The following GATA1 variants were observed in gnomAD, a reference collection of about 807,000 sequenced individuals.
GATA1 encodes the protein erythroid transcription factor.
GATA1 carries 2 observed loss-of-function variants against 18.9 expected under a neutral mutation model. The observed-to-expected ratio is 0.11, with a 90% CI of 0.04 to 0.33. GATA1 has a LOEUF of 0.33. Among genes scored for constraint, GATA1 ranks in the 10% least tolerant of loss-of-function variants. The pLI is 1.00. For synonymous variants in GATA1, 152 were observed against 149.1 expected (o/e 1.02, Z -0.14); for missense variants, 272 against 344.7 (o/e 0.79, Z 1.67).
In GATA1 at chrX:48,791,191, C is replaced by T; in HGVS notation, c.82C>T (p.Pro28Ser). ...FVDPALVSST[P>S]ESGVFFPSGP... ...GGATCCTGCTCTGGTGTCCTCCACA[C>T]CAGAATCAGGGGTTTTCTTCCCCTC... Residue 28 changes from proline (P) to serine (S), a missense_variant, in exon 2 of 6, where the codon CCA (proline) becomes TCA (serine). Pro to Ser is a moderately conservative substitution (Grantham distance 74, BLOSUM62 -1). Around this residue, in one of 3 missense-constraint regions of GATA1, gnomAD observed 147 missense variants for 157.4 expected, o/e 0.93. Transcript: ENST00000376670. The T allele has an allele frequency of 2.5e-6, 3 of 1,207,024 alleles. No homozygotes were observed. Among genetic ancestry groups the T allele is most frequent in the Non-Finnish European group, 3.4e-6 (3 of 892,915 alleles).
At chrX:48,791,386 G>C in intron 2 of GATA1, 57 bp downstream of exon 2, 1 of 1,017,016 alleles carries the variant, frequency 9.8e-7, no homozygotes, top group East Asian at 3.2e-5. Flanking sequence ...GGTTGCCATG[G>C]AGATCCTTGG....
In GATA1 at chrX:48,793,247, A is replaced by G; in HGVS notation, c.820A>G (p.Ser274Gly). ...TTTTLWRRNASGDPVCNACGL... is the reference protein window; with the variant it reads ...TTTTLWRRNAGGDPVCNACGL... ...CACGACACTGTGGCGGAGAAATGCCAGTGGGGATCCCGTGTGCAATGCCTG... is the reference window on the plus strand; with the variant it reads ...CACGACACTGTGGCGGAGAAATGCCGGTGGGGATCCCGTGTGCAATGCCTG... Residue 274 changes from serine to glycine, a missense_variant, in exon 5 of 6, where the codon AGT becomes GGT. Around this residue, in one of 3 missense-constraint regions of GATA1, gnomAD observed 42 missense variants for 103.2 expected, o/e 0.41. Coordinates refer to ENST00000376670, the MANE Select transcript of GATA1 (RefSeq NM_002049.4). The G allele has an allele frequency of 1.7e-6, 2 of 1,209,220 alleles. No homozygotes were observed. Among genetic ancestry groups the G allele is most frequent in the Non-Finnish European group, 1.1e-6 (1 of 894,515 alleles).
intron 5 of GATA1, 114 bp from the exon 6 acceptor site, chrX:48,793,679 C>G (rs919470930): frequency 9.4e-7 from 1 of 1,067,143 alleles, no homozygotes; most frequent in Non-Finnish European, 1.3e-6. Flanking sequence ...TGGACAATCT[C>G]AGCACCCAAA....
chrX:48,790,757 G>A (rs1225537624), intron 1 of GATA1, among the ~76,000 whole-genome samples: 2 of 102,905 alleles, frequency 1.9e-5, no homozygotes, highest in Non-Finnish European at 4.0e-5. Context: ...GAAGGGAGAG[G>A]TAGAAGCAGA....
Position 48,794,196 on chromosome X carries a change from G to A in GATA1, c.*32G>A. The A allele has an allele frequency of 3.3e-6, 4 of 1,195,212 alleles. No individual in the cohort carries two copies. Among genetic ancestry groups the A allele is most frequent in the South Asian group, 1.8e-5 (1 of 54,566 alleles). ...AGAGCATGGCCTCCAGAGGAGGGGTGGTGTCCTTCTCCTCTTGTAGCCAGA... is the reference window on the plus strand; with the variant it reads ...AGAGCATGGCCTCCAGAGGAGGGGTAGTGTCCTTCTCCTCTTGTAGCCAGA... On this transcript the variant is annotated 3_prime_UTR_variant, in exon 6 of 6. Transcript: ENST00000376670.
Position 48,793,811 on chromosome X carries a change from A to T in GATA1, c.889A>T (p.Met297Leu), listed in dbSNP as rs1569499699. Residue 297 changes from methionine to leucine, a missense_variant, in exon 6 of 6, where the codon ATG becomes TTG. Physicochemically the swap from Met to Leu is conservative, Grantham distance 15 (BLOSUM62 2). Transcript: ENST00000376670. The part of the protein sequence containing the change: ...KLHQVNRPLT[M>L]RKDGIQTRNR... Reference sequence around the variant, plus strand: ...TTGGCAGGTGAACCGGCCACTGACCATGCGGAAGGATGGTATTCAGACTCG... The same window carrying T: ...TTGGCAGGTGAACCGGCCACTGACCTTGCGGAAGGATGGTATTCAGACTCG... The T allele has an allele frequency of 6.6e-6, 8 of 1,210,883 alleles. No individual in the cohort carries two copies. The highest frequency in any genetic ancestry group is 6.7e-6 in the Non-Finnish European group (6 of 895,137).
chrX:48,789,938 G>T (rs1014022523), intron 1 of GATA1, among the ~76,000 whole-genome samples: 5 of 109,751 alleles, frequency 4.6e-5, no homozygotes, highest in Non-Finnish European at 9.5e-5. Flanking sequence ...AGAGGCAAGG[G>T]ACTCTGGTCC....
rs146587548 is a variant in GATA1, at chrX:48,787,974, G to A, written c.-20+1329G>A. ...CTTACTCTAGTGGGGCAGCTGATAA[G>A]GAGCTTTCATATCCCCCAGCCTCGA... On this transcript the variant is annotated intron_variant, in intron 1 of 5. Coordinates refer to ENST00000376670, the MANE Select transcript of GATA1 (RefSeq NM_002049.4). Among the ~76,000 whole-genome samples, 777 of 111,359 alleles carry A rather than the reference G, an allele frequency of 7.0e-3. 5 individuals carry two copies. Among genetic ancestry groups the A allele is most frequent in the Middle Eastern group, 0.014 (3 of 215 alleles).
chrX:48,793,822 T>C lies in GATA1; in HGVS notation c.900T>C (p.Asp300=), dbSNP rs2062682052. 3.3e-6 allele frequency: 4 copies of C among 1,210,707 alleles called. No individual in the cohort carries two copies. Among genetic ancestry groups the C allele is most frequent in the African/African-American group, 3.5e-5 (2 of 57,831 alleles). ...ACCGGCCACTGACCATGCGGAAGGA[T>C]GGTATTCAGACTCGAAACCGCAAGG... ...QVNRPLTMRK[D]GIQTRNRKAS... The change falls in exon 6 of 6, where the codon GAT becomes GAC. Residue 300 remains aspartate, a synonymous_variant. Transcript: ENST00000376670.
chrX:48,793,593 T>G (rs1302038683), intron 5 of GATA1, among the ~76,000 whole-genome samples, 200 bp from the exon 6 acceptor site: 2 of 106,918 alleles, frequency 1.9e-5, no homozygotes, highest in Non-Finnish European at 3.9e-5. Context: ...TCCAACCCCC[T>G]GCCCTAGACC....
rs782180657 is a variant in GATA1 at position 48,790,571 on chromosome X, A to G, written c.-19-520A>G. Among the ~76,000 whole-genome samples the G allele has an allele frequency of 3.7e-5, 4 of 107,931 alleles. No individual in the cohort carries two copies. The East Asian group carries it at 1.2e-3, about 32-fold the overall frequency. The allele number at this position is 107,931 out of a possible 115,157, so 93.7% of individuals were successfully genotyped here. A position where few individuals can be genotyped will look rare whatever the true frequency, so the allele number is the denominator to read the frequency against. ...GGGGAAACAGGAAAGGAGAAGGAGG[A>G]GGTCAAGGAGGAAAAGAAGAAGGTG... On this transcript the variant is annotated intron_variant, in intron 1 of 5. Coordinates refer to ENST00000376670, the MANE Select transcript of GATA1 (RefSeq NM_002049.4).
At chrX:48,787,934 G>A (rs987939044) in intron 1 of GATA1, among the ~76,000 whole-genome samples, 5 of 111,632 alleles carry the variant, frequency 4.5e-5, no homozygotes, top group Non-Finnish European at 5.6e-5. Context: ...GCCTGCTGCC[G>A]CCGTTGGGGC....
chrX:48,792,302 T>TTCTCC (rs782127979), intron 3 of GATA1, 21 bp from the exon 4 acceptor site: 2 of 1,211,841 alleles, frequency 1.7e-6, no homozygotes, highest in Non-Finnish European at 2.2e-6. Flanking sequence ...TAGCTCCCTC[T>TTCTCC]TCTCCTCTCC....
At chrX:48,793,699 A>G in intron 5 of GATA1, 94 bp from the exon 6 acceptor site, 3 of 1,122,538 alleles carry the variant, frequency 2.7e-6, no homozygotes, top group Non-Finnish European at 2.4e-6. Context: ...AAATTATCTT[A>G]CCCTGAAAGA....
chrX:48,790,448 CAA>C (rs1181136327), intron 1 of GATA1, among the ~76,000 whole-genome samples: 14 of 108,251 alleles, frequency 1.3e-4, no homozygotes, highest in Non-Finnish European at 1.9e-5. Flanking sequence ...GACCCTGCCT[CAA>C]AAAAAAGTGT....
In GATA1 at chrX:48,790,948, AG is replaced by A. The variant is rs781874359; in HGVS notation, c.-19-137del. 8.8e-4 allele frequency: 331 copies of A among 377,654 alleles called. 1 individual carries two copies. Among genetic ancestry groups the A allele is most frequent in the Non-Finnish European group, 1.1e-4 (23 of 218,966 alleles). The allele number at this position is 377,654 out of a possible 1,213,427, so 31.1% of individuals were successfully genotyped here. On this transcript the variant is annotated intron_variant, in intron 1 of 5. Transcript: ENST00000376670. The stretch of plus-strand genomic sequence containing the variant: ...GAGAGGGGAGACTAAGGTGAGGAGG[AG>A]GGGGGAATGGGGAGGTGGGAAGGAG...
intron 5 of GATA1, 144 bp from the exon 6 acceptor site, chrX:48,793,649 C>A: frequency 1.1e-6 from 1 of 919,701 alleles, no homozygotes; most frequent in Non-Finnish European, 1.5e-6. Context: ...AGCTCAGGGC[C>A]TCACAGCCTC....
intron 1 of GATA1, among the ~76,000 whole-genome samples, chrX:48,788,552 G>A (rs1044573345): frequency 3.6e-5 from 4 of 111,554 alleles, no homozygotes; most frequent in Non-Finnish European, 7.5e-5. Flanking sequence ...AGGTGTTGGC[G>A]GTGGGCACAC....
In GATA1 at chrX:48,794,074, A is replaced by C. The variant is rs1448731727; in HGVS notation, c.1152A>C (p.Gly384=). 2.1e-5 allele frequency: 25 copies of C among 1,207,232 alleles called. No homozygotes were observed. Among genetic ancestry groups the C allele is most frequent in the Non-Finnish European group, 2.3e-5 (21 of 893,859 alleles). The change falls in exon 6 of 6, where the codon GGA becomes GGC. Residue 384 remains glycine, a synonymous_variant. Transcript: ENST00000376670. ...TTAGCCACCTCATGCCTTTCCCTGGACCCCTACTGGGCTCACCCACGGGCT... is the reference window on the plus strand; with the variant it reads ...TTAGCCACCTCATGCCTTTCCCTGGCCCCCTACTGGGCTCACCCACGGGCT... The part of the protein sequence containing the change: ...GPVSHLMPFP[G]PLLGSPTGSF...
Sources: allele counts gnomAD v4.1 joint callset (sites outside exome capture counted in the v4.1 genomes callset), GRCh38; gene constraint gnomAD v4.1.1; regional missense constraint gnomAD v4.1.1; transcripts MANE v1.5; gene names NCBI Gene and HGNC (gene_info 2026-07-23, HGNC 2026-07-21).